The following RPS6KC1 variants were observed in gnomAD, a reference collection of about 807,000 sequenced individuals.
RPS6KC1 encodes the protein ribosomal protein S6 kinase C1, also known as inactive ribosomal protein S6 kinase delta-1.
In RPS6KC1, 54 loss-of-function variants were observed where a neutral mutation model predicts 103.8. The ratio of observed to expected loss-of-function variants is 0.52; its 90% CI spans 0.42 to 0.65. RPS6KC1 has a LOEUF of 0.65. Among genes scored for constraint, RPS6KC1 ranks in the 30% least tolerant of loss-of-function variants. The probability of loss-of-function intolerance (pLI) is 0.00; values close to 1 mark genes in which losing one functional copy is unlikely to be tolerated. For missense variants in RPS6KC1, 1,151 were observed against 1,253.8 expected, an observed-to-expected ratio of 0.92 and a Z score of 1.24; for synonymous variants, 439 against 438.7, an observed-to-expected ratio of 1.00 and a Z score of -0.01.
intron 14 of RPS6KC1, among the ~76,000 whole-genome samples, chr1:213,263,255 G>C (rs1456463243): frequency 2.6e-5 from 4 of 152,172 alleles, no homozygotes; most frequent in Non-Finnish European, 4.4e-5. Context: ...AGAAAATCTT[G>C]TCAAGTTAGA....
chr1:213,186,489 C>T (rs2092538194), intron 8 of RPS6KC1, among the ~76,000 whole-genome samples: 1 of 151,948 alleles, frequency 6.6e-6, no homozygotes, highest in Admixed American at 6.6e-5. Context: ...TGCTTCTTTT[C>T]TCTTGTTGTT....
chr1:213,604,429 T>A, the RPS6KC1 span, among the ~76,000 whole-genome samples: 5,322 of 152,348 alleles, frequency 0.035, 292 homozygotes, highest in East Asian at 0.27. Flanking sequence ...TTTTCCCCTG[T>A]TATCAATAAA....
chr1:213,406,106 T>C, the RPS6KC1 span, among the ~76,000 whole-genome samples: 2 of 152,110 alleles, frequency 1.3e-5, no homozygotes, highest in South Asian at 4.1e-4. Context: ...CTGACGCAGA[T>C]GGAGGGGCCA....
At chr1:213,391,978 C>T in the RPS6KC1 span, among the ~76,000 whole-genome samples, 1 of 152,126 alleles carries the variant, frequency 6.6e-6, no homozygotes, top group Non-Finnish European at 1.5e-5. Context: ...GCTGCATGAC[C>T]TCTCATAGTT....
chr1:213,387,889 C>T, the RPS6KC1 span, among the ~76,000 whole-genome samples: 510 of 152,344 alleles, frequency 3.3e-3, 2 homozygotes, highest in Non-Finnish European at 5.5e-3. Context: ...GTCTGTTGCT[C>T]CTTCCTGTGT....
At chr1:213,288,572 TATATG>T in the RPS6KC1 span, among the ~76,000 whole-genome samples, 1 of 152,240 alleles carries the variant, frequency 6.6e-6, no homozygotes, top group Admixed American at 6.5e-5. Context: ...TACCTATAGA[TATATG>T]GTGTGATTGA....
chr1:213,817,282 GAC>G, the RPS6KC1 span, among the ~76,000 whole-genome samples: 8 of 152,208 alleles, frequency 5.3e-5, no homozygotes, highest in Non-Finnish European at 1.2e-4. Flanking sequence ...GGACCTCCCT[GAC>G]CATTCAGGAG....
chr1:213,514,806 C>T, the RPS6KC1 span, among the ~76,000 whole-genome samples: 1 of 152,210 alleles, frequency 6.6e-6, no homozygotes, highest in African/African-American at 2.4e-5. Flanking sequence ...AATCGCCACA[C>T]TGACTTCCAC....
At chr1:213,835,412 T>C in the RPS6KC1 span, among the ~76,000 whole-genome samples, 3 of 152,170 alleles carry the variant, frequency 2.0e-5, no homozygotes, top group Admixed American at 2.0e-4. Flanking sequence ...TGCTTTATGT[T>C]TTAGAGATCA....
chr1:213,088,908 C>G (rs963442886), intron 3 of RPS6KC1, among the ~76,000 whole-genome samples: 1 of 152,166 alleles, frequency 6.6e-6, no homozygotes, highest in Non-Finnish European at 1.5e-5. Flanking sequence ...TTACATTTCA[C>G]GCCTACTTGA....
chr1:213,122,299 AT>A (rs2084478448), intron 5 of RPS6KC1, among the ~76,000 whole-genome samples: 1 of 152,168 alleles, frequency 6.6e-6, no homozygotes. Flanking sequence ...ACTGTGTTAA[AT>A]TGAATGGCGT....
At chr1:213,167,063 T>C (rs1351220431) in intron 6 of RPS6KC1, among the ~76,000 whole-genome samples, 1 of 152,248 alleles carries the variant, frequency 6.6e-6, no homozygotes, top group Non-Finnish European at 1.5e-5. Flanking sequence ...GTTTGTGTTG[T>C]GCCAATTCCT....
the RPS6KC1 span, among the ~76,000 whole-genome samples, chr1:213,635,919 G>T: frequency 6.6e-6 from 1 of 152,132 alleles, no homozygotes; most frequent in African/African-American, 2.4e-5. Context: ...CTTCAGCAAA[G>T]TCTCAGGATA....
chr1:213,809,900 A>G, the RPS6KC1 span, among the ~76,000 whole-genome samples: 4 of 152,222 alleles, frequency 2.6e-5, no homozygotes, highest in Non-Finnish European at 4.4e-5. Flanking sequence ...TGCCATTTCT[A>G]TCTGGCTTAA....
rs1573642878 is a variant in RPS6KC1 at position 213,256,992 on chromosome 1, G to A, written c.2912-4566G>A. Among the ~76,000 whole-genome samples the A allele has an allele frequency of 2.0e-5, 3 of 152,066 alleles. No individual in the cohort carries two copies. In the East Asian group the frequency reaches 5.8e-4, roughly 29 times the overall value. On this transcript the variant is annotated intron_variant, in intron 12 of 14. Transcript: ENST00000366960. ...GGTTTCTTTGAAGTCTTTTTATCTTGCAAATCCATGCAAATTTTACATTGT... is the reference window on the plus strand; with the variant it reads ...GGTTTCTTTGAAGTCTTTTTATCTTACAAATCCATGCAAATTTTACATTGT...
chr1:213,260,692 C>A (rs1573674032), intron 12 of RPS6KC1, among the ~76,000 whole-genome samples: 1 of 132,766 alleles, frequency 7.5e-6, no homozygotes, highest in Non-Finnish European at 1.6e-5. Context: ...CAGGTATTGG[C>A]AAGGCTTCGG....
Position 213,186,989 on chromosome 1 carries a change from C to T in RPS6KC1, c.1044+10497C>T, listed in dbSNP as rs149091024. On this transcript the variant is annotated intron_variant, in intron 8 of 14. Transcript: ENST00000366960. ...GTGGCACAATCATGGCTCATTTCAT[C>T]CTCTATTGCCTAGGATCAGTGATTC... Among the ~76,000 whole-genome samples, 399 of 152,210 alleles carry T rather than the reference C, an allele frequency of 2.6e-3. 3 individuals are homozygous for T. The highest frequency in any genetic ancestry group is 7.4e-3 in the Admixed American group (113 of 15,290).
chr1:213,242,990 A>AT (rs2094389633), intron 12 of RPS6KC1, among the ~76,000 whole-genome samples: 1 of 151,628 alleles, frequency 6.6e-6, no homozygotes, highest in Admixed American at 6.6e-5. Context: ...TAGATGCATG[A>AT]TTTTTTTCTT....
chr1:213,639,183 T>C, the RPS6KC1 span, among the ~76,000 whole-genome samples: 9 of 152,136 alleles, frequency 5.9e-5, no homozygotes, highest in African/African-American at 2.2e-4. Context: ...GACATTTTTG[T>C]ATTGACATTG....
Sources: gnomAD v4.1 joint callset for allele counts (sites outside exome capture counted in the v4.1 genomes callset) on GRCh38, gnomAD v4.1.1 for gene constraint, MANE v1.5 for transcripts, NCBI Gene and HGNC (gene_info 2026-07-23, HGNC 2026-07-21) for gene names.